The following AP2S1 variants were observed in gnomAD, a reference collection of about 807,000 sequenced individuals.
AP2S1 encodes the protein adaptor related protein complex 2 subunit sigma 1, also known as AP-2 complex subunit sigma.
A neutral mutation model predicts 21.0 loss-of-function variants in AP2S1; 6 were observed. The observed-to-expected ratio is 0.29, with a 90% CI of 0.16 to 0.56. The LOEUF (loss-of-function observed/expected upper bound fraction) is 0.56, where lower values mean the gene tolerates loss of function less well. Among genes scored for constraint, AP2S1 ranks in the 20% least tolerant of loss-of-function variants. The pLI, the probability that AP2S1 is intolerant of heterozygous loss-of-function variation, is 0.92. For missense variants in AP2S1, 60 were observed against 186.2 expected, an observed-to-expected ratio of 0.32 and a Z score of 3.95; for synonymous variants, 63 against 74.6, an observed-to-expected ratio of 0.84 and a Z score of 0.80.
intron 1 of AP2S1, among the ~76,000 whole-genome samples, chr19:46,846,535 C>G (rs1212152971): frequency 6.6e-6 from 1 of 151,232 alleles, no homozygotes; most frequent in African/African-American, 2.4e-5. Context: ...CTCGGCCTCC[C>G]AAACTGCTGG....
rs771681246 is a variant in AP2S1 at position 46,839,456 on chromosome 19, C to T, written c.267+9G>A. ...CGCCTCCCCACCTTACATCCCTCTC[C>T]CGCCGTACCTCCACGAAGTTGTGAA... On this transcript the variant is annotated intron_variant, in intron 3 of 4. Coordinates refer to ENST00000263270, the MANE Select transcript of AP2S1 (RefSeq NM_004069.6). The T allele has an allele frequency of 6.3e-7, 1 of 1,584,874 alleles. No homozygotes were observed. The highest frequency in any genetic ancestry group is 2.3e-5 in the East Asian group (1 of 43,924).
At chr19:46,850,673 G>T in intron 1 of AP2S1, 91 bp downstream of exon 1, 1 of 1,188,260 alleles carries the variant, frequency 8.4e-7, no homozygotes, top group Non-Finnish European at 1.2e-6. Flanking sequence ...ATCCGCGGCA[G>T]AGAAGGGACT....
In AP2S1 at chr19:46,838,644, C is replaced by G; in HGVS notation, c.327+96G>C. On this transcript the variant is annotated intron_variant, in intron 4 of 4. Transcript: ENST00000263270. This position sits in a 1 kb window ranked among gnomAD's most constrained non-coding sequence, Gnocchi z 4.1. ...CTCTGATGCCCCTCGAGCTGGGACA[C>G]AGACCTCAGCAGAGGCTCCGGGTGG... 3 of 1,563,636 alleles carry G rather than the reference C, an allele frequency of 1.9e-6. No homozygotes were observed. Among genetic ancestry groups the G allele is most frequent in the Non-Finnish European group, 2.6e-6 (3 of 1,136,148 alleles).
At chr19:46,850,729 C>A (rs775721330) in intron 1 of AP2S1, 35 bp downstream of exon 1, 4 of 1,533,306 alleles carry the variant, frequency 2.6e-6, no homozygotes, top group Non-Finnish European at 3.6e-6. Context: ...TGGGCCCCCC[C>A]TCCGCCAGTC....
intron 2 of AP2S1, among the ~76,000 whole-genome samples, chr19:46,842,206 G>A (rs2055535305): frequency 6.6e-6 from 1 of 151,852 alleles, no homozygotes; most frequent in Non-Finnish European, 1.5e-5. Flanking sequence ...TAACAAGAGG[G>A]ATAGCCCGCA....
intron 2 of AP2S1, among the ~76,000 whole-genome samples, chr19:46,845,041 T>G (rs1370588743): frequency 1.5e-5 from 2 of 137,260 alleles, no homozygotes; most frequent in East Asian, 4.2e-4. Context: ...GAGGTTGCAG[T>G]GAGCCAAGAT....
rs757290330 is a variant in AP2S1, at chr19:46,838,845, C to A, written c.268-46G>T. Reference sequence around the variant, plus strand: ...TGGTAAGAGATGGGCAGGGAGAGAGCCACACACGCACAGAGATGGGAACAA... The same window carrying A: ...TGGTAAGAGATGGGCAGGGAGAGAGACACACACGCACAGAGATGGGAACAA... On this transcript the variant is annotated intron_variant, in intron 3 of 4. Coordinates refer to ENST00000263270, the MANE Select transcript of AP2S1 (RefSeq NM_004069.6). The surrounding 1 kb of genome is among the most constrained non-coding windows in gnomAD (Gnocchi z 4.1). The A allele has an allele frequency of 1.3e-6, 2 of 1,561,336 alleles. No individual in the cohort carries two copies. Among genetic ancestry groups the A allele is most frequent in the East Asian group, 4.5e-5 (2 of 44,604 alleles).
In AP2S1 at chr19:46,844,575, A is replaced by T. The variant is rs142931945; in HGVS notation, c.153+1418T>A. Reference sequence around the variant, plus strand: ...CACTTTGGGAGGCCGAAGCAGGCAGATCACTTGAGCTCAAGAGTTTGAGAC... The same window carrying T: ...CACTTTGGGAGGCCGAAGCAGGCAGTTCACTTGAGCTCAAGAGTTTGAGAC... On this transcript the variant is annotated intron_variant, in intron 2 of 4. Transcript: ENST00000263270. Among the ~76,000 whole-genome samples, 791 of 152,132 alleles carry T rather than the reference A, an allele frequency of 5.2e-3. 11 individuals are homozygous for T. Among genetic ancestry groups the T allele is most frequent in the African/African-American group, 0.019 (769 of 41,522 alleles).
At chr19:46,850,315 A>T (rs572390390) in intron 1 of AP2S1, 6 of 1,235,624 alleles carry the variant, frequency 4.9e-6, no homozygotes, top group East Asian at 6.3e-5. Flanking sequence ...GTCTCTAGAG[A>T]CTCCTCCCAT....
At chr19:46,845,972 G>A in intron 2 of AP2S1, 21 bp downstream of exon 2, 1 of 1,613,956 alleles carries the variant, frequency 6.2e-7, no homozygotes, top group Non-Finnish European at 8.5e-7. Flanking sequence ...CGGGGTGCAG[G>A]AGGCATGGAG....
At chr19:46,849,207 C>T (rs1401117793) in intron 1 of AP2S1, among the ~76,000 whole-genome samples, 1 of 146,460 alleles carries the variant, frequency 6.8e-6, no homozygotes. Context: ...GGTCTCACCA[C>T]GTTGGCCAGG....
chr19:46,845,208 A>C (rs1599770400), intron 2 of AP2S1, among the ~76,000 whole-genome samples: 1 of 151,498 alleles, frequency 6.6e-6, no homozygotes, highest in Non-Finnish European at 1.5e-5. Context: ...GGAGTTCGAG[A>C]CCAGCCTGGC....
intron 2 of AP2S1, among the ~76,000 whole-genome samples, chr19:46,843,641 T>C (rs2122779044): frequency 6.6e-6 from 1 of 152,144 alleles, no homozygotes; most frequent in East Asian, 1.9e-4. Flanking sequence ...GAGAATTGCT[T>C]GACCCCGAGA....
At chr19:46,849,495 C>A (rs1222921073) in intron 1 of AP2S1, among the ~76,000 whole-genome samples, 1 of 152,172 alleles carries the variant, frequency 6.6e-6, no homozygotes, top group African/African-American at 2.4e-5. Context: ...GCAGCCACAG[C>A]CTGGGAGCAG....
At chr19:46,841,109 A>G (rs1303098295) in intron 2 of AP2S1, among the ~76,000 whole-genome samples, 1 of 151,978 alleles carries the variant, frequency 6.6e-6, no homozygotes, top group African/African-American at 2.4e-5. Context: ...GTGCACCACC[A>G]CGCCTGGCTA....
In AP2S1 at chr19:46,838,831, G is replaced by A. The variant is rs764027408; in HGVS notation, c.268-32C>T. 1.2e-6 allele frequency: 2 copies of A among 1,602,856 alleles called. No homozygotes were observed. The highest frequency in any genetic ancestry group is 2.2e-5 in the East Asian group (1 of 44,818). ...GAGGAAGGCAGAGATGGTAAGAGAT[G>A]GGCAGGGAGAGAGCCACACACGCAC... On this transcript the variant is annotated intron_variant, in intron 3 of 4. Transcript: ENST00000263270. The surrounding 1 kb of genome is among the most constrained non-coding windows in gnomAD (Gnocchi z 4.1).
At chr19:46,850,700 A>T in intron 1 of AP2S1, 64 bp downstream of exon 1, 1 of 1,384,314 alleles carries the variant, frequency 7.2e-7, no homozygotes, top group South Asian at 1.2e-5. Context: ...CGCCCGATCC[A>T]GCCTCGGCTA....
chr19:46,850,773 C>T lies in AP2S1; in HGVS notation c.-7G>A, dbSNP rs1413806303. 1.3e-6 allele frequency: 2 copies of T among 1,585,988 alleles called. No individual in the cohort carries two copies. Among genetic ancestry groups the T allele is most frequent in the Non-Finnish European group, 8.6e-7 (1 of 1,164,440 alleles). On this transcript the variant is annotated 5_prime_UTR_variant, in exon 1 of 5. Transcript: ENST00000263270. ...AGCGCTCCCCCGTTACCATGGCGAC[C>T]CCCGTCCAGACCCCAGCGGCCCCGG...
chr19:46,845,258 T>C (rs556956135), intron 2 of AP2S1, among the ~76,000 whole-genome samples: 6 of 150,498 alleles, frequency 4.0e-5, no homozygotes, highest in Middle Eastern at 3.4e-3. Context: ...AATACAAAAT[T>C]AGCCTGGTGT....
Sources: allele counts gnomAD v4.1 joint callset (sites outside exome capture counted in the v4.1 genomes callset), GRCh38; gene constraint gnomAD v4.1.1; non-coding constraint Gnocchi (gnomAD v3.1); transcripts MANE v1.5; gene names NCBI Gene and HGNC (gene_info 2026-07-23, HGNC 2026-07-21).